PRKDC: variants seen among roughly 807,000 people sequenced by gnomAD.
PRKDC encodes the protein DNA-dependent protein kinase catalytic subunit.
In PRKDC, 82 loss-of-function variants were observed where a neutral mutation model predicts 486.9. That is an observed-to-expected ratio of 0.17 (90% CI 0.14 to 0.20). PRKDC has a LOEUF of 0.20. Ranked by LOEUF, PRKDC falls within the 10% of genes least tolerant of loss-of-function variation. The pLI is 1.00. For synonymous variants in PRKDC, 1,895 were observed against 1,837.0 expected (o/e 1.03, Z -0.81); for missense variants, 4,504 against 5,038.2 (o/e 0.89, Z 3.21).
chr8:47,789,088 A>G, intron 75 of PRKDC, 39 bp from the exon 76 acceptor site: 1 of 1,612,562 alleles, frequency 6.2e-7, no homozygotes, highest in Non-Finnish European at 8.5e-7. Flanking sequence ...AAATCAAGCT[A>G]GATTGCAATT....
intron 10 of PRKDC, among the ~76,000 whole-genome samples, chr8:47,940,362 T>G (rs1001079381): frequency 3.3e-5 from 5 of 152,206 alleles, no homozygotes; most frequent in Middle Eastern, 3.4e-3. Flanking sequence ...TCAAAGAGCA[T>G]TCCCCATTTC....
At chr8:47,888,784 A>C in intron 33 of PRKDC, 134 bp from the exon 34 acceptor site, 1 of 1,305,558 alleles carries the variant, frequency 7.7e-7, no homozygotes, top group Non-Finnish European at 1.0e-6. Flanking sequence ...GCACTAAGCT[A>C]GCATGGAGAT....
intron 15 of PRKDC, 148 bp downstream of exon 15, chr8:47,933,817 T>C (rs899801890): frequency 2.4e-6 from 2 of 821,666 alleles, no homozygotes; most frequent in African/African-American, 1.8e-5. Flanking sequence ...TCCTGATTCA[T>C]ACGGTTTTAA....
At chr8:47,854,288 A>C in intron 50 of PRKDC, 74 bp from the exon 51 acceptor site, 1 of 1,543,686 alleles carries the variant, frequency 6.5e-7, no homozygotes, top group South Asian at 1.1e-5. Flanking sequence ...CAAATACAGA[A>C]TTTTATTTTT....
intron 21 of PRKDC, among the ~76,000 whole-genome samples, chr8:47,925,325 C>G (rs1006610828): frequency 6.6e-6 from 1 of 152,216 alleles, no homozygotes; most frequent in Non-Finnish European, 1.5e-5. Flanking sequence ...GAGAACCCAG[C>G]GTCTGTCAAA....
At chr8:47,807,349 A>G in intron 68 of PRKDC, 23 bp from the exon 69 acceptor site, 1 of 1,515,686 alleles carries the variant, frequency 6.6e-7, no homozygotes, top group East Asian at 2.3e-5. Context: ...AAATGAGACA[A>G]TGTCACAGAC....
In PRKDC at chr8:47,798,485, T is replaced by C. The variant is rs1036198538; in HGVS notation, c.10298-88A>G. 18 of 1,359,976 alleles carry C rather than the reference T, an allele frequency of 1.3e-5. No homozygotes were observed. In the Admixed American group the frequency reaches 4.9e-4, roughly 37 times the overall value. 84.2% of individuals were successfully genotyped at this position (1,359,976 alleles called of 1,614,324 possible). ...GTTAAATGCTAACACTTTCCCTTTT[T>C]GGCTTGTATTTTGTAGTGTCATTGT... is the stretch of plus-strand genomic sequence containing the variant. On this transcript the variant is annotated intron_variant, in intron 72 of 85. Transcript: ENST00000314191.
intron 31 of PRKDC, among the ~76,000 whole-genome samples, chr8:47,892,863 TTAAG>T (rs1439687549): frequency 1.3e-5 from 2 of 152,204 alleles, no homozygotes; most frequent in Non-Finnish European, 2.9e-5. Flanking sequence ...TACGTTTTTT[TTAAG>T]TAATATTAAC....
intron 16 of PRKDC, 73 bp downstream of exon 16, chr8:47,932,947 C>T: frequency 1.5e-6 from 2 of 1,344,090 alleles, no homozygotes; most frequent in Non-Finnish European, 2.0e-6. Context: ...GTGCTATTGT[C>T]CCCTAAATAT....
At chr8:47,788,170 T>A (rs2086821843) in intron 76 of PRKDC, among the ~76,000 whole-genome samples, 1 of 152,142 alleles carries the variant, frequency 6.6e-6, no homozygotes, top group South Asian at 2.1e-4. Context: ...CTGTTTTAGG[T>A]GAGAGAGGAA....
chr8:47,874,529 G>A (rs1468977245), intron 40 of PRKDC, among the ~76,000 whole-genome samples: 1 of 152,140 alleles, frequency 6.6e-6, no homozygotes, highest in Non-Finnish European at 1.5e-5. Flanking sequence ...CGGCTGAGGC[G>A]GGAGGATTGC....
chr8:47,798,321 G>A lies in PRKDC; in HGVS notation c.10374C>T (p.Ser3458=), dbSNP rs753028308. ...EKMLKALKLN[S]NEARLKFPRL... Reference sequence around the variant, plus strand: ...TAGGAAACTTCAATCTGGCTTCATTGGAATTTAATTTTAAAGCTTTCAACA... The same window carrying A: ...TAGGAAACTTCAATCTGGCTTCATTAGAATTTAATTTTAAAGCTTTCAACA... Residue 3458 remains serine (S), a synonymous_variant, in exon 73 of 86, where the codon TCC becomes TCT. Transcript: ENST00000314191. The A allele has an allele frequency of 6.2e-7, 1 of 1,613,382 alleles. No individual in the cohort carries two copies. The highest frequency in any genetic ancestry group is 8.5e-7 in the Non-Finnish European group (1 of 1,179,658).
Position 47,879,130 on chromosome 8 carries a change from C to T in PRKDC, c.5235+361G>A, listed in dbSNP as rs565368132. Among the ~76,000 whole-genome samples the T allele has an allele frequency of 5.9e-5, 9 of 152,276 alleles. 1 individual carries two copies. In the East Asian group the frequency reaches 1.7e-3, roughly 29 times the overall value. ...CTCTTCATAACTTACATATATTTTA[C>T]ACATTCCATTTTACACATAAAATAT... On this transcript the variant is annotated intron_variant, in intron 39 of 85. Transcript: ENST00000314191.
intron 68 of PRKDC, among the ~76,000 whole-genome samples, chr8:47,813,907 C>T (rs971594675): frequency 7.9e-5 from 12 of 152,052 alleles, no homozygotes; most frequent in African/African-American, 2.4e-4. Flanking sequence ...AGGGAACATG[C>T]CTTACTCATC....
chr8:47,922,750 T>C (rs1045066041), intron 21 of PRKDC, among the ~76,000 whole-genome samples: 3 of 152,308 alleles, frequency 2.0e-5, no homozygotes, highest in East Asian at 3.9e-4. Context: ...GCAGTTACTA[T>C]ATTGGAAACA....
At chr8:47,938,356 A>G (rs1192073508) in intron 11 of PRKDC, among the ~76,000 whole-genome samples, 4 of 151,726 alleles carry the variant, frequency 2.6e-5, no homozygotes, top group Admixed American at 2.6e-4. Context: ...GGTTGTGGTG[A>G]GCCGAGGTCA....
intron 42 of PRKDC, among the ~76,000 whole-genome samples, 160 bp from the exon 43 acceptor site, chr8:47,862,701 T>C (rs1345479962): frequency 1.3e-5 from 2 of 152,172 alleles, no homozygotes; most frequent in Non-Finnish European, 2.9e-5. Context: ...AAAAGGAACA[T>C]GTCATCCATC....
chr8:47,795,229 A>C (rs1589700887), intron 73 of PRKDC, among the ~76,000 whole-genome samples: 12 of 107,530 alleles, frequency 1.1e-4, no homozygotes, highest in Admixed American at 2.1e-4. Context: ...TCTCATTGTC[A>C]CCCAGGCTGG....
At chr8:47,873,307 C>T (rs943198155) in intron 40 of PRKDC, among the ~76,000 whole-genome samples, 9 of 150,210 alleles carry the variant, frequency 6.0e-5, no homozygotes, top group African/African-American at 1.2e-4. Context: ...GAGGCCAAAG[C>T]GGGTGGATCA....
Sources: gnomAD v4.1 joint callset for allele counts (sites outside exome capture counted in the v4.1 genomes callset) on GRCh38, gnomAD v4.1.1 for gene constraint, MANE v1.5 for transcripts, NCBI Gene and HGNC (gene_info 2026-07-23, HGNC 2026-07-21) for gene names.